The following MEGF6 variants were observed in gnomAD, a reference collection of about 807,000 sequenced individuals.
The protein encoded by MEGF6 is multiple epidermal growth factor-like domains protein 6.
MEGF6 carries 184 observed loss-of-function variants against 207.1 expected under a neutral mutation model. The ratio of observed to expected loss-of-function variants is 0.89; its 90% CI spans 0.79 to 1.00. The LOEUF (loss-of-function observed/expected upper bound fraction) is 1.00. Ranked by LOEUF, MEGF6 falls within the 50% of genes least tolerant of loss-of-function variation. The pLI is 0.00. For synonymous variants in MEGF6, 1,038 were observed against 910.0 expected, an observed-to-expected ratio of 1.14 and a Z score of -2.53; for missense variants, 2,282 against 2,202.9, an observed-to-expected ratio of 1.04 and a Z score of -0.72.
At chr1:3,603,192 G>A (rs956660630) in intron 1 of MEGF6, among the ~76,000 whole-genome samples, 1 of 152,206 alleles carries the variant, frequency 6.6e-6, no homozygotes, top group African/African-American at 2.4e-5. Context: ...GGCCTCTCCA[G>A]CCCAGAGGCT....
In MEGF6 at chr1:3,594,333, G is replaced by A. The variant is rs1288537908; in HGVS notation, c.376+1005C>T. 6.6e-6 allele frequency among the ~76,000 whole-genome samples: 1 copy of A among 152,220 alleles called. No homozygotes were observed. The highest frequency in any genetic ancestry group is 6.5e-5 in the Admixed American group (1 of 15,286). ...AGTCTCAGCCACTCGGGAGGCTGAG[G>A]TGGGAGGATTGCTTGAGTCCAGGAA... On this transcript the variant is annotated intron_variant, in intron 3 of 36. Coordinates refer to ENST00000356575, the MANE Select transcript of MEGF6 (RefSeq NM_001409.4). The surrounding 1 kb of genome is among the most constrained non-coding windows in gnomAD (Gnocchi z 4.2).
intron 4 of MEGF6, among the ~76,000 whole-genome samples, chr1:3,578,251 C>T (rs1215586835): frequency 6.6e-6 from 1 of 152,240 alleles, no homozygotes; most frequent in Admixed American, 6.5e-5. Context: ...GCCCAGTCAG[C>T]CCTGGTATTT....
intron 35 of MEGF6, among the ~76,000 whole-genome samples, chr1:3,491,863 C>T (rs1640386213): frequency 6.6e-6 from 1 of 151,742 alleles, no homozygotes; most frequent in African/African-American, 2.4e-5. Context: ...AGAGCACATT[C>T]CAGGACAGCC....
intron 23 of MEGF6, 106 bp from the exon 24 acceptor site, chr1:3,499,372 A>C (rs1024462962): frequency 5.5e-6 from 8 of 1,450,496 alleles, no homozygotes; most frequent in African/African-American, 2.8e-5. Context: ...CTCGGCTGCT[A>C]TGGCCAACTC....
rs534247697 is a variant in MEGF6 at position 3,494,420 on chromosome 1, C to T, written c.4080G>A (p.Thr1360=). The T allele has an allele frequency of 1.9e-5, 30 of 1,548,310 alleles. No homozygotes were observed. The highest frequency in any genetic ancestry group is 1.2e-4 in the South Asian group (10 of 84,390). The change falls in exon 32 of 37, where the codon ACG becomes ACA. Residue 1360 remains threonine, a synonymous_variant. Coordinates refer to ENST00000356575, the MANE Select transcript of MEGF6 (RefSeq NM_001409.4). ...AGCCGGGGCCGCAGCGGCAGGTGCC[C>T]GTGGCAGGCTCACACGTGCTGTTGT... The part of the protein sequence containing the change: ...CHNNSTCEPA[T]GTCRCGPGFY...
chr1:3,560,019 G>GAAAAAAAA lies in MEGF6; in HGVS notation c.481+19798_481+19805dup, dbSNP rs56851590. 1.0e-5 allele frequency among the ~76,000 whole-genome samples: 1 copy of GAAAAAAAA among 97,486 alleles called. No individual in the cohort carries two copies. Among genetic ancestry groups the GAAAAAAAA allele is most frequent in the Non-Finnish European group, 2.1e-5 (1 of 47,000 alleles). 64.0% of individuals were successfully genotyped at this position (97,486 alleles called of 152,430 possible). A position where few individuals can be genotyped will look rare whatever the true frequency, so the allele number is the denominator to read the frequency against. On this transcript the variant is annotated intron_variant, in intron 4 of 36. Transcript: ENST00000356575. This position sits in a 1 kb window ranked among gnomAD's most constrained non-coding sequence, Gnocchi z 4.0. ...TATGAGAGTCCGTCTCAAAATAAAA[G>GAAAAAAAA]AAAAAAAAAAAAAAAAAGGAAACAC...
intron 4 of MEGF6, among the ~76,000 whole-genome samples, chr1:3,540,879 C>T (rs1187505145): frequency 6.6e-6 from 1 of 152,214 alleles, no homozygotes; most frequent in Non-Finnish European, 1.5e-5. Context: ...TGCAGGGACA[C>T]CGACATTCAG....
intron 17 of MEGF6, among the ~76,000 whole-genome samples, chr1:3,503,167 G>A (rs1017677498): frequency 2.6e-5 from 4 of 152,066 alleles, no homozygotes; most frequent in Non-Finnish European, 1.5e-5. Context: ...GTGAACCCTT[G>A]TCACCAGGGC....
At position 3,511,689 on chromosome 1, in the gene MEGF6, T is replaced by G. The variant is rs757287661; in HGVS notation, c.977-2A>C. ...TGTTCACGATTTCCATCTCAATCCC[T>G]GCCGTGAGACCAGCCACCCAGGGTA... On this transcript the variant is annotated splice_acceptor_variant, in intron 8 of 36. Coordinates refer to ENST00000356575, the MANE Select transcript of MEGF6 (RefSeq NM_001409.4). LOFTEE classifies it high-confidence loss of function. 1.9e-6 allele frequency: 3 copies of G among 1,602,202 alleles called. No individual in the cohort carries two copies. The highest frequency in any genetic ancestry group is 1.7e-6 in the Non-Finnish European group (2 of 1,171,230).
chr1:3,537,633 G>A (rs559039714), intron 4 of MEGF6, among the ~76,000 whole-genome samples: 10 of 152,224 alleles, frequency 6.6e-5, no homozygotes, highest in Non-Finnish European at 1.3e-4. Flanking sequence ...GGAGAAGGCG[G>A]GTGTGGCCAC....
In MEGF6 at chr1:3,594,366, C is replaced by T. The variant is rs144108869; in HGVS notation, c.376+972G>A. 0.026 allele frequency among the ~76,000 whole-genome samples: 3,884 copies of T among 152,258 alleles called. 133 individuals are homozygous for T. The highest frequency in any genetic ancestry group is 0.08 in the African/African-American group (3,313 of 41,524). On this transcript the variant is annotated intron_variant, in intron 3 of 36. Transcript: ENST00000356575. The surrounding 1 kb of genome is among the most constrained non-coding windows in gnomAD (Gnocchi z 4.2). ...ATTGCTTGAGTCCAGGAATTTGAGG[C>T]TGCAGTGAGCTATGGTGGTGCCACT...
chr1:3,613,372 G>A (rs1475590398), upstream of MEGF6, among the ~76,000 whole-genome samples: 1 of 152,222 alleles, frequency 6.6e-6, no homozygotes, highest in East Asian at 1.9e-4. Context: ...AAGCCCGTGA[G>A]TGTCTCCCCC....
At chr1:3,520,378 A>T (rs746731700) in intron 5 of MEGF6, among the ~76,000 whole-genome samples, 3 of 152,248 alleles carry the variant, frequency 2.0e-5, no homozygotes, top group Non-Finnish European at 4.4e-5. Context: ...GGCACTCTGC[A>T]GGGTGTCACG....
intron 29 of MEGF6, among the ~76,000 whole-genome samples, chr1:3,496,426 G>A (rs1640607742): frequency 1.3e-5 from 2 of 152,266 alleles, no homozygotes; most frequent in Non-Finnish European, 1.5e-5. Context: ...CACAGCAGGT[G>A]CAGGGGCAGA....
rs1256854558 is a variant in MEGF6, at chr1:3,532,509, C to T, written c.482-8263G>A. Among the ~76,000 whole-genome samples the T allele has an allele frequency of 5.3e-5, 8 of 152,342 alleles. No individual in the cohort carries two copies. The East Asian group carries it at 1.2e-3, about 22-fold the overall frequency. On this transcript the variant is annotated intron_variant, in intron 4 of 36. Coordinates refer to ENST00000356575, the MANE Select transcript of MEGF6 (RefSeq NM_001409.4). ...GGTGAGGGTCCACAGAAGGACTGGGCGCCCGCCCACACTGTTCCCGGCCTT... is the reference window on the plus strand; with the variant it reads ...GGTGAGGGTCCACAGAAGGACTGGGTGCCCGCCCACACTGTTCCCGGCCTT...
rs1643158382 is a variant in MEGF6, at chr1:3,560,211, CAG to C, written c.481+19612_481+19613del. ...TTATGGAAAAACTGGACAGAAAGTACAGAGTTTCCTTCTCCCAACACACATAA... is the reference window on the plus strand; with the variant it reads ...TTATGGAAAAACTGGACAGAAAGTACAGTTTCCTTCTCCCAACACACATAA... On this transcript the variant is annotated intron_variant, in intron 4 of 36. Coordinates refer to ENST00000356575, the MANE Select transcript of MEGF6 (RefSeq NM_001409.4). This position sits in a 1 kb window ranked among gnomAD's most constrained non-coding sequence, Gnocchi z 4.0. Among the ~76,000 whole-genome samples the C allele has an allele frequency of 6.6e-6, 1 of 151,816 alleles. No homozygotes were observed. The highest frequency in any genetic ancestry group is 2.4e-5 in the African/African-American group (1 of 41,310).
At chr1:3,620,642 G>A in the MEGF6 span, among the ~76,000 whole-genome samples, 82 of 152,360 alleles carry the variant, frequency 5.4e-4, no homozygotes, top group Admixed American at 8.5e-4. Context: ...TCCCCACTGG[G>A]GCACTTGTAG....
chr1:3,592,782 T>C (rs1020609121), intron 3 of MEGF6, among the ~76,000 whole-genome samples: 11 of 152,080 alleles, frequency 7.2e-5, no homozygotes, highest in Admixed American at 7.2e-4. Context: ...TCACAGGGAT[T>C]CCCCGGACCA....
In MEGF6 at chr1:3,560,893, G is replaced by T; in HGVS notation, c.481+18932C>A. On this transcript the variant is annotated intron_variant, in intron 4 of 36. Transcript: ENST00000356575. This position sits in a 1 kb window ranked among gnomAD's most constrained non-coding sequence, Gnocchi z 4.0. The stretch of plus-strand genomic sequence containing the variant: ...GGTCTCTACGCGAAGGGGGTGCTGG[G>T]CTCTACCCCCAGGCCTCTACTACCC... 2.4e-6 allele frequency: 1 copy of T among 425,440 alleles called. No homozygotes were observed. The allele number at this position is 425,440 out of a possible 1,614,324, so 26.4% of individuals were successfully genotyped here.
Sources: allele counts gnomAD v4.1 joint callset (sites outside exome capture counted in the v4.1 genomes callset), GRCh38; gene constraint gnomAD v4.1.1; non-coding constraint Gnocchi (gnomAD v3.1); transcripts MANE v1.5; gene names NCBI Gene and HGNC (gene_info 2026-07-23, HGNC 2026-07-21).